Variants in DTD1 observed in about 807,000 individuals in gnomAD.
The protein encoded by DTD1 is D-tyrosyl-tRNA deacylase 1 homolog.
A neutral mutation model predicts 25.6 loss-of-function variants in DTD1; 13 were observed. That is an observed-to-expected ratio of 0.51 (90% confidence interval 0.33 to 0.81). The LOEUF (loss-of-function observed/expected upper bound fraction) is 0.81, where lower values mean the gene tolerates loss of function less well. Ranked by LOEUF, DTD1 falls within the 30% of genes least tolerant of loss-of-function variation. The pLI is 0.02. For missense variants in DTD1, 193 were observed against 266.4 expected (o/e 0.72, Z 1.92); for synonymous variants, 110 against 103.6 (o/e 1.06, Z -0.37).
intron 4 of DTD1, among the ~76,000 whole-genome samples, chr20:18,692,762 C>A (rs762291112): frequency 6.6e-6 from 1 of 152,168 alleles, no homozygotes; most frequent in Non-Finnish European, 1.5e-5. Flanking sequence ...CCTGAAAAAT[C>A]TTTCTGCCAA....
chr20:18,704,377 G>A (rs1234873177), intron 4 of DTD1, among the ~76,000 whole-genome samples: 2 of 152,122 alleles, frequency 1.3e-5, no homozygotes, highest in East Asian at 1.9e-4. Flanking sequence ...GGCATTCAGT[G>A]TATGTGCTTA....
At position 18,664,600 on chromosome 20, in the gene DTD1, T is replaced by A. The variant is rs560029429; in HGVS notation, c.477+36367T>A. On this transcript the variant is annotated intron_variant, in intron 4 of 5. Coordinates refer to ENST00000377452, the MANE Select transcript of DTD1 (RefSeq NM_080820.6). ...GTGGCCAGGGGTGATGGGGGCTGAT[T>A]TGGGGAATGGATTTGGCTCAGGAAC... Among the ~76,000 whole-genome samples the A allele has an allele frequency of 3.3e-5, 5 of 152,210 alleles. No homozygotes were observed. The East Asian group carries it at 7.7e-4, about 24-fold the overall frequency.
intron 5 of DTD1, among the ~76,000 whole-genome samples, chr20:18,757,030 C>T (rs1256265658): frequency 2.0e-5 from 3 of 150,964 alleles, no homozygotes; most frequent in Non-Finnish European, 4.4e-5. Flanking sequence ...CTCTTTGAAG[C>T]AATTGTGAAT....
chr20:18,680,091 GGGGAGTGT>G (rs555877110), intron 4 of DTD1, among the ~76,000 whole-genome samples: 80 of 152,276 alleles, frequency 5.3e-4, no homozygotes, highest in African/African-American at 1.9e-3. Flanking sequence ...ATGCTGGGGA[GGGGAGTGT>G]GCTTCAAATA....
intron 1 of DTD1, among the ~76,000 whole-genome samples, chr20:18,592,043 G>A (rs1346244311): frequency 6.6e-6 from 1 of 152,200 alleles, no homozygotes; most frequent in Non-Finnish European, 1.5e-5. Flanking sequence ...TGAATAGCAG[G>A]TGGTCTCTTG....
Position 18,739,742 on chromosome 20 carries a change from T to A in DTD1, c.478-4358T>A, listed in dbSNP as rs3927421. Reference sequence around the variant, plus strand: ...TTCTTCTTCTTTTTTCTCATTTGTTTCCTTAAAAAAAAAAATCCAGCTGCT... The same window carrying A: ...TTCTTCTTCTTTTTTCTCATTTGTTACCTTAAAAAAAAAAATCCAGCTGCT... On this transcript the variant is annotated intron_variant, in intron 4 of 5. Coordinates refer to ENST00000377452, the MANE Select transcript of DTD1 (RefSeq NM_080820.6). Among the ~76,000 whole-genome samples the A allele has an allele frequency of 2.8e-3, 371 of 134,642 alleles. 7 individuals are homozygous for A. Among genetic ancestry groups the A allele is most frequent in the Admixed American group, 0.022 (303 of 13,698 alleles). The allele number at this position is 134,642 out of a possible 152,430, so 88.3% of individuals were successfully genotyped here.
At chr20:18,717,233 G>T (rs2122487314) in intron 4 of DTD1, among the ~76,000 whole-genome samples, 1 of 152,312 alleles carries the variant, frequency 6.6e-6, no homozygotes, top group East Asian at 1.9e-4. Context: ...GTTTTAAGTG[G>T]ATTCTTGCAA....
chr20:18,700,696 G>A (rs375353716), intron 4 of DTD1, among the ~76,000 whole-genome samples: 17 of 152,196 alleles, frequency 1.1e-4, no homozygotes, highest in African/African-American at 2.4e-4. Flanking sequence ...TTGACGTGGC[G>A]TCAGTGGCAT....
At chr20:18,627,068 G>A (rs1245871044) in intron 3 of DTD1, among the ~76,000 whole-genome samples, 5 of 152,222 alleles carry the variant, frequency 3.3e-5, no homozygotes, top group Non-Finnish European at 7.3e-5. Flanking sequence ...GTCACGGAAA[G>A]TCATCATTTT....
At chr20:18,648,779 G>A (rs563740482) in intron 4 of DTD1, among the ~76,000 whole-genome samples, 2 of 151,966 alleles carry the variant, frequency 1.3e-5, no homozygotes, top group East Asian at 3.9e-4. Context: ...GGCGGATCAC[G>A]AGGTCAGGAG....
intron 1 of DTD1, chr20:18,588,600 C>G: frequency 5.8e-6 from 2 of 344,020 alleles, no homozygotes; most frequent in Non-Finnish European, 8.2e-6. Context: ...TGCACAGATG[C>G]GGAGAGTTGC....
intron 4 of DTD1, among the ~76,000 whole-genome samples, chr20:18,695,601 C>CT (rs2061073080): frequency 2.2e-5 from 1 of 45,494 alleles, no homozygotes; most frequent in Non-Finnish European, 4.2e-5. Flanking sequence ...CCTCCCCTCC[C>CT]CTCCCCCCTT....
intron 5 of DTD1, among the ~76,000 whole-genome samples, chr20:18,762,566 A>G (rs2061367230): frequency 6.6e-6 from 1 of 152,194 alleles, no homozygotes; most frequent in African/African-American, 2.4e-5. Context: ...AATGATTTGG[A>G]AATCATGCTT....
chr20:18,628,507 G>T (rs1040852055), intron 4 of DTD1, among the ~76,000 whole-genome samples: 24 of 152,100 alleles, frequency 1.6e-4, no homozygotes, highest in Admixed American at 1.0e-3. Context: ...CCTTCCCTTG[G>T]CCAGGTGCCG....
intron 4 of DTD1, among the ~76,000 whole-genome samples, chr20:18,654,361 C>T (rs2060884616): frequency 6.6e-6 from 1 of 152,170 alleles, no homozygotes; most frequent in Non-Finnish European, 1.5e-5. Flanking sequence ...TGTGAGGCCT[C>T]CCTAGCCATG....
chr20:18,621,641 T>A (rs147260118), intron 3 of DTD1, among the ~76,000 whole-genome samples: 13 of 152,234 alleles, frequency 8.5e-5, no homozygotes, highest in Non-Finnish European at 1.0e-4. Flanking sequence ...AAAAATCTTA[T>A]GTATTTTTAA....
intron 4 of DTD1, among the ~76,000 whole-genome samples, chr20:18,690,506 A>G (rs1238021114): frequency 6.6e-6 from 1 of 152,100 alleles, no homozygotes; most frequent in Non-Finnish European, 1.5e-5. Context: ...ATCCATCTTG[A>G]GTTAATTTTT....
Position 18,596,090 on chromosome 20 carries a change from G to A in DTD1, c.219G>A (p.Glu73=), listed in dbSNP as rs764505729. ...WSKSVMDKQY[E]ILCVSQFTLQ... ...AGAGTGTGATGGACAAACAGTACGA[G>A]ATTCTGTGTGTCAGCCAGTTTACCC... is the stretch of plus-strand genomic sequence containing the variant. Residue 73 remains glutamate, a synonymous_variant, in exon 3 of 6, where the codon GAG becomes GAA. Transcript: ENST00000377452. 1 of 1,614,172 alleles carries A rather than the reference G, an allele frequency of 6.2e-7. No individual in the cohort carries two copies. The highest frequency in any genetic ancestry group is 8.5e-7 in the Non-Finnish European group (1 of 1,180,018).
At chr20:18,746,176 T>C (rs1337834141) in intron 5 of DTD1, among the ~76,000 whole-genome samples, 1 of 152,176 alleles carries the variant, frequency 6.6e-6, no homozygotes, top group South Asian at 2.1e-4. Flanking sequence ...CTGCTGAGTC[T>C]GTGGCTTTAG....
Sources: allele counts gnomAD v4.1 joint callset (sites outside exome capture counted in the v4.1 genomes callset), GRCh38; gene constraint gnomAD v4.1.1; transcripts MANE v1.5; gene names NCBI Gene and HGNC (gene_info 2026-07-23, HGNC 2026-07-21).